PPP2R2B: variants seen among roughly 807,000 people sequenced by gnomAD.
PPP2R2B encodes serine/threonine-protein phosphatase 2A 55 kDa regulatory subunit B beta isoform.
PPP2R2B carries 5 observed loss-of-function variants against 46.0 expected under a neutral mutation model. The observed-to-expected ratio is 0.11, with a 90% CI of 0.06 to 0.23. The LOEUF is 0.23. Among genes scored for constraint, PPP2R2B ranks in the 10% least tolerant of loss-of-function variants. The pLI is 1.00. For missense variants in PPP2R2B, 367 were observed against 575.0 expected (o/e 0.64, Z 3.70); for synonymous variants, 215 against 206.7 (o/e 1.04, Z -0.34).
chr5:146,805,306 A>C (rs566663553), intron 2 of PPP2R2B, among the ~76,000 whole-genome samples: 2 of 152,318 alleles, frequency 1.3e-5, no homozygotes, highest in Middle Eastern at 3.4e-3. Flanking sequence ...CAATGATGGC[A>C]TGCTGACTCA....
intron 1 of PPP2R2B, among the ~76,000 whole-genome samples, chr5:146,945,511 A>G (rs188145240): frequency 5.3e-5 from 8 of 152,282 alleles, no homozygotes; most frequent in Admixed American, 4.6e-4. Context: ...AGTCCGATAT[A>G]TTGACTACCT....
At chr5:147,017,202 G>A (rs1463774855) in intron 1 of PPP2R2B, among the ~76,000 whole-genome samples, 2 of 151,566 alleles carry the variant, frequency 1.3e-5, no homozygotes, top group Non-Finnish European at 2.9e-5. Flanking sequence ...GTGGGCAATA[G>A]AATCAGCAGG....
intron 5 of PPP2R2B, chr5:146,656,544 C>T (rs1314506810): frequency 6.6e-6 from 1 of 152,154 alleles, no homozygotes; most frequent in East Asian, 1.9e-4. Flanking sequence ...GCCTGGTGGT[C>T]CCTCACTCCC....
chr5:146,804,028 G>T (rs1196695074), intron 2 of PPP2R2B, among the ~76,000 whole-genome samples: 1 of 152,088 alleles, frequency 6.6e-6, no homozygotes, highest in East Asian at 1.9e-4. Flanking sequence ...TTAGACGGGC[G>T]TGGTGGCCAG....
chr5:146,909,227 T>C (rs1402096453), intron 1 of PPP2R2B, among the ~76,000 whole-genome samples: 1 of 152,180 alleles, frequency 6.6e-6, no homozygotes, highest in African/African-American at 2.4e-5. Flanking sequence ...TCATCCATCC[T>C]CCTAGACCAT....
At chr5:146,900,010 A>G (rs1218800487) in intron 1 of PPP2R2B, among the ~76,000 whole-genome samples, 1 of 152,212 alleles carries the variant, frequency 6.6e-6, no homozygotes, top group Non-Finnish European at 1.5e-5. Context: ...AAACAATGAA[A>G]TGACAGCTTC....
chr5:146,866,542 C>A (rs1761319131), intron 2 of PPP2R2B, among the ~76,000 whole-genome samples: 1 of 152,098 alleles, frequency 6.6e-6, no homozygotes, highest in Non-Finnish European at 1.5e-5. Context: ...GATCTAAAGT[C>A]TCACCTAATT....
At chr5:146,722,608 A>C (rs966762940) in intron 2 of PPP2R2B, among the ~76,000 whole-genome samples, 3 of 152,232 alleles carry the variant, frequency 2.0e-5, no homozygotes, top group Non-Finnish European at 4.4e-5. Context: ...AGTAGGTGAA[A>C]TCTTATTGCC....
chr5:146,693,443 A>AAAC (rs1237971282), intron 4 of PPP2R2B, among the ~76,000 whole-genome samples: 3 of 151,896 alleles, frequency 2.0e-5, no homozygotes, highest in East Asian at 3.9e-4. Flanking sequence ...TCAAACTCCC[A>AAAC]GGCTCAAGCA....
chr5:146,955,563 C>T (rs1026781977), intron 1 of PPP2R2B, among the ~76,000 whole-genome samples: 2 of 152,038 alleles, frequency 1.3e-5, no homozygotes, highest in South Asian at 4.1e-4. Context: ...AAAAATTAAG[C>T]CATTCAAATA....
intron 2 of PPP2R2B, among the ~76,000 whole-genome samples, chr5:146,828,058 G>A (rs898398106): frequency 2.0e-5 from 3 of 151,808 alleles, no homozygotes; most frequent in Admixed American, 6.6e-5. Context: ...AATCATGTAC[G>A]CTTTCTTTCA....
At chr5:146,694,230 T>C (rs1779045562) in intron 4 of PPP2R2B, among the ~76,000 whole-genome samples, 1 of 152,168 alleles carries the variant, frequency 6.6e-6, no homozygotes, top group African/African-American at 2.4e-5. Context: ...GGCTGCTAAG[T>C]GTATGATTTG....
At chr5:147,063,331 C>T (rs73310616) in intron 2 of PPP2R2B, among the ~76,000 whole-genome samples, 5,943 of 151,950 alleles carry the variant, frequency 0.039, 170 homozygotes, top group African/African-American at 0.079. Flanking sequence ...AACAGTTTTA[C>T]TAAAACAGCT....
At chr5:146,636,809 C>A (rs1469443124) in intron 7 of PPP2R2B, among the ~76,000 whole-genome samples, 1 of 152,194 alleles carries the variant, frequency 6.6e-6, no homozygotes, top group Non-Finnish European at 1.5e-5. Context: ...ATTCCCCTTT[C>A]CCCCAAGCCT....
At chr5:146,954,784 G>A (rs575557409) in intron 1 of PPP2R2B, among the ~76,000 whole-genome samples, 1 of 151,900 alleles carries the variant, frequency 6.6e-6, no homozygotes, top group South Asian at 2.1e-4. Context: ...GTGTGTGTGT[G>A]TGTGTTGAGT....
intron 5 of PPP2R2B, among the ~76,000 whole-genome samples, chr5:146,661,382 A>T (rs1776656996): frequency 6.6e-6 from 1 of 152,214 alleles, no homozygotes; most frequent in Admixed American, 6.5e-5. Context: ...ACAATAGACC[A>T]GCAATAAGTT....
intron 5 of PPP2R2B, among the ~76,000 whole-genome samples, chr5:146,663,508 C>T (rs1776798251): frequency 6.6e-6 from 1 of 152,070 alleles, no homozygotes; most frequent in Non-Finnish European, 1.5e-5. Context: ...CCCAGAGATA[C>T]TGCAAGTTCA....
At chr5:146,883,512 T>A (rs1762233185), upstream of PPP2R2B, among the ~76,000 whole-genome samples, 1 of 152,226 alleles carries the variant, frequency 6.6e-6, no homozygotes, top group African/African-American at 2.4e-5. Context: ...AAAAGCCCTT[T>A]ATAAACCATG....
rs11372355 is a variant in PPP2R2B at position 146,649,414 on chromosome 5, A to ATT, written c.625+1131_625+1132dup. Among the ~76,000 whole-genome samples the ATT allele has an allele frequency of 8.6e-3, 1,246 of 145,388 alleles. 19 individuals carry two copies. The highest frequency in any genetic ancestry group is 0.029 in the African/African-American group (1,178 of 40,006). ...GAAAATACTGGCCCAGCTATTCAGC[A>ATT]TTTTTTTTTTTTACCTTTCTATATA... On this transcript the variant is annotated intron_variant, in intron 6 of 9. Coordinates refer to ENST00000394411, the MANE Select transcript of PPP2R2B (RefSeq NM_181675.4).
Sources: allele counts gnomAD v4.1 joint callset (sites outside exome capture counted in the v4.1 genomes callset), GRCh38; gene constraint gnomAD v4.1.1; transcripts MANE v1.5; gene names NCBI Gene and HGNC (gene_info 2026-07-23, HGNC 2026-07-21).